ERGIC2: variants seen among roughly 807,000 people sequenced by gnomAD.
ERGIC2 encodes the protein endoplasmic reticulum-Golgi intermediate compartment protein 2.
A neutral mutation model predicts 52.5 loss-of-function variants in ERGIC2; 31 were observed. That is an observed-to-expected ratio of 0.59 (90% CI 0.44 to 0.80). The LOEUF (loss-of-function observed/expected upper bound fraction) is 0.80, where lower values mean the gene tolerates loss of function less well. Among genes scored for constraint, ERGIC2 ranks in the 30% least tolerant of loss-of-function variants. The probability of loss-of-function intolerance (pLI) is 0.00; values close to 1 mark genes in which losing one functional copy is unlikely to be tolerated. For synonymous variants in ERGIC2, 129 were observed against 140.6 expected, an observed-to-expected ratio of 0.92 and a Z score of 0.58; for missense variants, 395 against 455.2, an observed-to-expected ratio of 0.87 and a Z score of 1.20.
rs912239078 is a variant in ERGIC2, at chr12:29,356,461, G to C, written c.493C>G (p.Gln165Glu). Residue 165 changes from glutamine to glutamate, a missense_variant, in exon 8 of 14, where the codon CAG becomes GAG. Transcript: ENST00000360150. ...TGAATTCTGCATGCATTTGGAGACT[G>C]TGATGAATCATCTTCTCTGTTAAAA... ...ALPPREDDSS[Q>E]SPNACRIHGH... 23 of 1,580,420 alleles carry C rather than the reference G, an allele frequency of 1.5e-5. No individual in the cohort carries two copies. Among genetic ancestry groups the C allele is most frequent in the Non-Finnish European group, 2.0e-5 (23 of 1,149,766 alleles).
intron 1 of ERGIC2, among the ~76,000 whole-genome samples, chr12:29,376,013 A>T (rs1940510035): frequency 6.6e-6 from 1 of 152,192 alleles, no homozygotes; most frequent in African/African-American, 2.4e-5. Context: ...CTGACTTTCT[A>T]TTGGCAGCAG....
At chr12:29,343,584 T>C (rs1020262558) in intron 11 of ERGIC2, among the ~76,000 whole-genome samples, 1 of 152,222 alleles carries the variant, frequency 6.6e-6, no homozygotes, top group Non-Finnish European at 1.5e-5. Flanking sequence ...ATGTATGGCA[T>C]GTTCCTCATG....
intron 4 of ERGIC2, among the ~76,000 whole-genome samples, chr12:29,367,311 C>A (rs1379842280): frequency 6.6e-6 from 1 of 151,294 alleles, no homozygotes; most frequent in Non-Finnish European, 1.5e-5. Flanking sequence ...GGCTGCTGAA[C>A]AAAATATTAA....
At chr12:29,341,872 A>ATTCT in intron 12 of ERGIC2, 56 bp from the exon 13 acceptor site, 8 of 829,122 alleles carry the variant, frequency 9.6e-6, no homozygotes, top group Non-Finnish European at 1.2e-5. Context: ...TTATTTAAGA[A>ATTCT]TAAATAACTA....
chr12:29,343,581 G>A (rs1441047347), intron 11 of ERGIC2, among the ~76,000 whole-genome samples: 2 of 152,090 alleles, frequency 1.3e-5, no homozygotes, highest in Admixed American at 6.5e-5. Context: ...AATATGTATG[G>A]CATGTTCCTC....
intron 5 of ERGIC2, among the ~76,000 whole-genome samples, chr12:29,363,022 T>A (rs1002742982): frequency 6.6e-6 from 1 of 152,170 alleles, no homozygotes; most frequent in South Asian, 2.1e-4. Context: ...AGAAACTACT[T>A]TGTAGGCCCT....
intron 11 of ERGIC2, among the ~76,000 whole-genome samples, chr12:29,343,825 A>C (rs1358563077): frequency 2.0e-5 from 3 of 152,188 alleles, no homozygotes; most frequent in Non-Finnish European, 2.9e-5. Flanking sequence ...ATAAGGGTAG[A>C]AACTGTTTTA....
At position 29,341,166 on chromosome 12, in the gene ERGIC2, T is replaced by C. The variant is rs1183309670; in HGVS notation, c.1124A>G (p.Asn375Ser). 6.2e-7 allele frequency: 1 copy of C among 1,608,980 alleles called. No individual in the cohort carries two copies. Among genetic ancestry groups the C allele is most frequent in the Admixed American group, 1.7e-5 (1 of 59,752 alleles). Residue 375 changes from asparagine (N) to serine (S), a missense_variant, in exon 14 of 14, where the codon AAT becomes AGT. Coordinates refer to ENST00000360150, the MANE Select transcript of ERGIC2 (RefSeq NM_016570.3). ...TDNHLPLLEN[N>S]TH is the part of the protein sequence containing the mutation. ...TTCAATCGGGAGGTGTTAATGTGTA[T>C]TATTTTCTAAAAGAGGTAAGTGGTT...
chr12:29,367,800 G>A (rs1257899078), intron 4 of ERGIC2, among the ~76,000 whole-genome samples: 4 of 151,572 alleles, frequency 2.6e-5, no homozygotes, highest in African/African-American at 4.8e-5. Context: ...GTCCAGTGAC[G>A]AAAAAAGAAA....
chr12:29,349,060 A>T lies in ERGIC2; in HGVS notation c.727+19T>A. 7.5e-7 allele frequency: 1 copy of T among 1,324,780 alleles called. No individual in the cohort carries two copies. Among genetic ancestry groups the T allele is most frequent in the Non-Finnish European group, 1.0e-6 (1 of 953,142 alleles). 82.1% of individuals were successfully genotyped at this position (1,324,780 alleles called of 1,614,324 possible). ...AATTTTCTACATGTAAAATCCAACA[A>T]TAATTATTAAATACTTACGATCTAT... On this transcript the variant is annotated intron_variant, in intron 10 of 13. Transcript: ENST00000360150.
intron 3 of ERGIC2, among the ~76,000 whole-genome samples, chr12:29,368,589 T>C (rs1940396300): frequency 6.6e-6 from 1 of 151,910 alleles, no homozygotes; most frequent in Admixed American, 6.6e-5. Context: ...TAATCTCTAT[T>C]TACATAAACT....
rs965834723 is a variant in ERGIC2 at position 29,337,383 on chromosome 12, G to A, written c.*3773C>T. On this transcript the variant is annotated 3_prime_UTR_variant, in exon 14 of 14. Transcript: ENST00000360150. ...AATTTGTCATTTATTGAGTCCAAAT[G>A]TTTATGCTTGCAATACTAAATATTT... 3 of 149,504 alleles carry A rather than the reference G, an allele frequency of 2.0e-5. No individual in the cohort carries two copies. Among genetic ancestry groups the A allele is most frequent in the African/African-American group, 5.0e-5 (2 of 39,644 alleles). 9.3% of individuals were successfully genotyped at this position (149,504 alleles called of 1,614,324 possible). A position where few individuals can be genotyped will look rare whatever the true frequency, so the allele number is the denominator to read the frequency against.
intron 6 of ERGIC2, among the ~76,000 whole-genome samples, chr12:29,361,245 TGTCTCAAAAAAAAAAGAA>T (rs1940282767): frequency 6.6e-6 from 1 of 151,902 alleles, no homozygotes; most frequent in African/African-American, 2.4e-5. Flanking sequence ...AGTGAGACTC[TGTCTCAAAAAAAAAAGAA>T]GTTTACAAAT....
At chr12:29,342,889 C>T (rs898830665) in intron 12 of ERGIC2, among the ~76,000 whole-genome samples, 11 of 152,176 alleles carry the variant, frequency 7.2e-5, no homozygotes, top group African/African-American at 2.7e-4. Context: ...GATGTTAACA[C>T]CCAGGATCTT....
intron 5 of ERGIC2, among the ~76,000 whole-genome samples, chr12:29,363,892 G>GAA (rs886907838): frequency 6.8e-6 from 1 of 147,906 alleles, no homozygotes; most frequent in African/African-American, 2.5e-5. Context: ...GAATGCTAGA[G>GAA]AAACAGTGTA....
In ERGIC2 at chr12:29,371,548, G is replaced by T. The variant is rs774914156; in HGVS notation, c.86C>A (p.Thr29Asn). 6.2e-7 allele frequency: 1 copy of T among 1,608,822 alleles called. No individual in the cohort carries two copies. The highest frequency in any genetic ancestry group is 8.5e-7 in the Non-Finnish European group (1 of 1,177,428). Residue 29 changes from threonine to asparagine, a missense_variant, in exon 2 of 14, where the codon ACT (threonine) becomes AAT (asparagine). Coordinates refer to ENST00000360150, the MANE Select transcript of ERGIC2 (RefSeq NM_016570.3). ...FPKVPESYVETSASGGTVSLI... is the reference protein window; with the variant it reads ...FPKVPESYVENSASGGTVSLI... ...CTCACCTGTACCTCCACTGGCTGAA[G>T]TCTCTACATAGCTCTCAGGAACCTT...
At chr12:29,366,792 A>C in intron 5 of ERGIC2, 85 bp downstream of exon 5, 1 of 687,046 alleles carries the variant, frequency 1.5e-6, no homozygotes, top group South Asian at 2.4e-5. Context: ...AAACTATTTC[A>C]GACAAAACTA....
At chr12:29,348,432 G>A (rs1334812657) in intron 10 of ERGIC2, among the ~76,000 whole-genome samples, 1 of 151,964 alleles carries the variant, frequency 6.6e-6, no homozygotes, top group Non-Finnish European at 1.5e-5. Flanking sequence ...ATTTTAGAAA[G>A]AGGCAATCAA....
intron 1 of ERGIC2, among the ~76,000 whole-genome samples, 197 bp from the exon 2 acceptor site, chr12:29,371,867 T>C (rs1011042049): frequency 3.9e-5 from 6 of 152,090 alleles, no homozygotes; most frequent in South Asian, 4.1e-4. Context: ...TGGAAGGCAA[T>C]TTAAATACAA....
Sources: gnomAD v4.1 joint callset for allele counts (sites outside exome capture counted in the v4.1 genomes callset) on GRCh38, gnomAD v4.1.1 for gene constraint, MANE v1.5 for transcripts, NCBI Gene and HGNC (gene_info 2026-07-23, HGNC 2026-07-21) for gene names.